Variants in SPP2 observed in about 807,000 individuals in gnomAD.
The protein encoded by SPP2 is secreted phosphoprotein 24.
In SPP2, 34 loss-of-function variants were observed where a neutral mutation model predicts 28.8. The ratio of observed to expected loss-of-function variants is 1.18; its 90% confidence interval spans 0.90 to 1.57. SPP2 has a LOEUF of 1.57. SPP2 is among the 40% of genes most tolerant of loss of function. The pLI is 0.00. For missense variants in SPP2, 269 were observed against 263.9 expected, an observed-to-expected ratio of 1.02 and a Z score of -0.13; for synonymous variants, 96 against 89.4, an observed-to-expected ratio of 1.07 and a Z score of -0.42.
intron 2 of SPP2, among the ~76,000 whole-genome samples, chr2:234,051,339 T>C (rs1693493912): frequency 6.6e-6 from 1 of 152,234 alleles, no homozygotes; most frequent in African/African-American, 2.4e-5. Flanking sequence ...CCTTGTCTTC[T>C]GGTTCCCTGC....
Position 234,050,965 on chromosome 2 carries a change from G to A in SPP2, c.86-6G>A. The A allele has an allele frequency of 6.2e-7, 1 of 1,613,984 alleles. No homozygotes were observed. The highest frequency in any genetic ancestry group is 1.7e-4 in the Middle Eastern group (1 of 6,056). Reference sequence around the variant, plus strand: ...CTCACTGTGCCCCATGTGCTTGCGTGTCCAGGTTTCCCAGTGTACGACTAC... The same window carrying A: ...CTCACTGTGCCCCATGTGCTTGCGTATCCAGGTTTCCCAGTGTACGACTAC... On this transcript the variant is annotated splice_region_variant and splice_polypyrimidine_tract_variant and intron_variant, in intron 1 of 7. Coordinates refer to ENST00000168148, the MANE Select transcript of SPP2 (RefSeq NM_006944.3).
chr2:234,059,541 C>G (rs550218525), intron 3 of SPP2, among the ~76,000 whole-genome samples: 1 of 151,750 alleles, frequency 6.6e-6, no homozygotes, highest in East Asian at 1.9e-4. Context: ...CTCGGAAAAA[C>G]AAACAAACAA....
rs201068672 is a variant in SPP2 at position 234,050,949 on chromosome 2, C to A, written c.86-22C>A. The A allele has an allele frequency of 2.5e-6, 4 of 1,613,960 alleles. No homozygotes were observed. The Admixed American group carries it at 6.7e-5, about 27-fold the overall frequency. Reference sequence around the variant, plus strand: ...GGCGCCTGTGTCTTGTCTCACTGTGCCCCATGTGCTTGCGTGTCCAGGTTT... The same window carrying A: ...GGCGCCTGTGTCTTGTCTCACTGTGACCCATGTGCTTGCGTGTCCAGGTTT... On this transcript the variant is annotated intron_variant, in intron 1 of 7. Coordinates refer to ENST00000168148, the MANE Select transcript of SPP2 (RefSeq NM_006944.3).
At chr2:234,075,743 T>A (rs1014821826) in intron 7 of SPP2, among the ~76,000 whole-genome samples, 1 of 152,184 alleles carries the variant, frequency 6.6e-6, no homozygotes, top group Non-Finnish European at 1.5e-5. Context: ...TCCTCCACAC[T>A]GTCCCTCCAG....
intron 5 of SPP2, 136 bp from the exon 6 acceptor site, chr2:234,067,088 G>A (rs1693836270): frequency 1.2e-6 from 1 of 843,152 alleles, no homozygotes. Context: ...TATTAGTGCT[G>A]ACGGCAATAA....
In SPP2 at chr2:234,050,748, AAC is replaced by A; in HGVS notation, c.-35_-34del. On this transcript the variant is annotated 5_prime_UTR_variant, in exon 1 of 8. Transcript: ENST00000168148. ...CTCTTAGGAAGAACTGTCATCCCCA[AAC>A]ACATAGAGAGACACTCTCTGTCTCT... 1 of 1,589,158 alleles carries A rather than the reference AAC, an allele frequency of 6.3e-7. No homozygotes were observed. The highest frequency in any genetic ancestry group is 8.6e-7 in the Non-Finnish European group (1 of 1,157,864).
chr2:234,075,542 A>G (rs1690879111), intron 7 of SPP2, among the ~76,000 whole-genome samples: 1 of 152,044 alleles, frequency 6.6e-6, no homozygotes, highest in Non-Finnish European at 1.5e-5. Flanking sequence ...CTGACCTCTG[A>G]GATTTGGTCC....
At chr2:234,060,199 G>A (rs1334722448) in intron 3 of SPP2, among the ~76,000 whole-genome samples, 170 bp from the exon 4 acceptor site, 1 of 152,164 alleles carries the variant, frequency 6.6e-6, no homozygotes, top group African/African-American at 2.4e-5. Context: ...TATTCCATTT[G>A]TTTCTGCTTC....
At chr2:234,060,210 G>T (rs976662067) in intron 3 of SPP2, among the ~76,000 whole-genome samples, 159 bp from the exon 4 acceptor site, 2 of 152,086 alleles carry the variant, frequency 1.3e-5, no homozygotes, top group Non-Finnish European at 2.9e-5. Flanking sequence ...TTTCTGCTTC[G>T]GTCTTGAGGA....
chr2:234,073,897 A>G (rs2125475157), intron 7 of SPP2, among the ~76,000 whole-genome samples: 1 of 152,336 alleles, frequency 6.6e-6, no homozygotes, highest in South Asian at 2.1e-4. Flanking sequence ...TTATCCATTT[A>G]TTCAACAAAT....
At chr2:234,057,691 A>G (rs1408628462) in intron 2 of SPP2, among the ~76,000 whole-genome samples, 5 of 152,158 alleles carry the variant, frequency 3.3e-5, no homozygotes, top group Admixed American at 2.0e-4. Flanking sequence ...TGACATCAGA[A>G]CTCCCCAGAT....
chr2:234,060,392 C>T lies in SPP2; in HGVS notation c.357C>T (p.Thr119=), dbSNP rs779526667. Residue 119 remains threonine (T), a synonymous_variant, in exon 4 of 8, where the codon ACC becomes ACT. Coordinates refer to ENST00000168148, the MANE Select transcript of SPP2 (RefSeq NM_006944.3). ...YYVSTAVCRS[T]VKVSAQQVQG... ...AGTCCACAGCTGTTTGCAGAAGCAC[C>T]GTGAAGGTATCTGCCCAGCAGGTGC... 30 of 1,613,992 alleles carry T rather than the reference C, an allele frequency of 1.9e-5. No homozygotes were observed. The highest frequency in any genetic ancestry group is 5.5e-5 in the South Asian group (5 of 91,064).
rs373148677 is a variant in SPP2, at chr2:234,054,264, G to A, written c.210+3169G>A. On this transcript the variant is annotated intron_variant, in intron 2 of 7. Coordinates refer to ENST00000168148, the MANE Select transcript of SPP2 (RefSeq NM_006944.3). ...GGAGAGAAAGGTGGGAGTGGAGAGC[G>A]GTCAGAGAGGTGGGCATGAGTGGGA... Among the ~76,000 whole-genome samples the A allele has an allele frequency of 5.3e-5, 8 of 152,200 alleles. No homozygotes were observed. The East Asian group carries it at 5.8e-4, about 11-fold the overall frequency.
At chr2:234,062,967 C>T (rs991160736) in intron 4 of SPP2, among the ~76,000 whole-genome samples, 3 of 152,174 alleles carry the variant, frequency 2.0e-5, no homozygotes, top group Non-Finnish European at 4.4e-5. Context: ...CTGATTGCTT[C>T]TTCTTAAAGG....
At chr2:234,051,272 T>G (rs1693492039) in intron 2 of SPP2, among the ~76,000 whole-genome samples, 177 bp downstream of exon 2, 1 of 152,218 alleles carries the variant, frequency 6.6e-6, no homozygotes, top group Non-Finnish European at 1.5e-5. Flanking sequence ...TTTTTTGTCA[T>G]GAGGCTATCC....
At chr2:234,072,369 C>G (rs1385344045) in intron 7 of SPP2, among the ~76,000 whole-genome samples, 1 of 151,874 alleles carries the variant, frequency 6.6e-6, no homozygotes, top group Admixed American at 6.5e-5. Context: ...CATCATATTC[C>G]TTTTTTATAA....
chr2:234,056,037 C>T (rs1221784542), intron 2 of SPP2: 1 of 152,150 alleles, frequency 6.6e-6, no homozygotes, highest in Non-Finnish European at 1.5e-5. Context: ...TCTCCTAATG[C>T]TATCCCTCCC....
intron 4 of SPP2, among the ~76,000 whole-genome samples, chr2:234,063,515 G>T (rs867370752): frequency 3.9e-5 from 6 of 152,258 alleles, no homozygotes; most frequent in Non-Finnish European, 7.4e-5. Context: ...ATAAAAAATT[G>T]AGAAAATAAA....
At chr2:234,056,846 A>ATG (rs1248313407) in intron 2 of SPP2, among the ~76,000 whole-genome samples, 1 of 152,028 alleles carries the variant, frequency 6.6e-6, no homozygotes, top group African/African-American at 2.4e-5. Context: ...AGCACTCATT[A>ATG]TGTGTCCTAT....
Sources: allele counts gnomAD v4.1 joint callset (sites outside exome capture counted in the v4.1 genomes callset), GRCh38; gene constraint gnomAD v4.1.1; transcripts MANE v1.5; gene names NCBI Gene and HGNC (gene_info 2026-07-23, HGNC 2026-07-21).